COL23A1: variants seen among roughly 807,000 people sequenced by gnomAD.
COL23A1 encodes collagen alpha-1(XXIII) chain.
COL23A1 carries 97 observed loss-of-function variants against 99.3 expected under a neutral mutation model. The ratio of observed to expected loss-of-function variants is 0.98; its 90% CI spans 0.83 to 1.16. The LOEUF is 1.16. Ranked by LOEUF, COL23A1 falls within the 50% of genes most tolerant of loss-of-function variation. The pLI, the probability that COL23A1 is intolerant of heterozygous loss-of-function variation, is 0.00. For synonymous variants in COL23A1, 320 were observed against 308.2 expected, an observed-to-expected ratio of 1.04 and a Z score of -0.40; for missense variants, 762 against 757.4, an observed-to-expected ratio of 1.01 and a Z score of -0.07.
chr5:178,246,760 G>A (rs914518122), intron 22 of COL23A1, among the ~76,000 whole-genome samples: 13 of 152,218 alleles, frequency 8.5e-5, no homozygotes, highest in Non-Finnish European at 1.5e-4. Flanking sequence ...GCCACACAGC[G>A]GGAGGCAGCA....
At chr5:178,337,617 G>T (rs1447794518) in intron 2 of COL23A1, among the ~76,000 whole-genome samples, 1 of 152,090 alleles carries the variant, frequency 6.6e-6, no homozygotes, top group Non-Finnish European at 1.5e-5. Context: ...CTGCCGGGCT[G>T]GGGGAGGCGC....
rs5873604 is a variant in COL23A1 at position 178,292,233 on chromosome 5, G to GCCCCCTGCGCCCGCACCTGC, written c.407-1865_407-1864insGCAGGTGCGGGCGCAGGGGG. ...AGCACTTGCGCCTGTGCCCGCACCT[G>GCCCCCTGCGCCCGCACCTGC]CCCCTGCACCTGCCCTCCTCTCCAT... On this transcript the variant is annotated intron_variant, in intron 3 of 28. Transcript: ENST00000390654. Among the ~76,000 whole-genome samples, 3 of 151,802 alleles carry GCCCCCTGCGCCCGCACCTGC rather than the reference G, an allele frequency of 2.0e-5. No individual in the cohort carries two copies. In the South Asian group the frequency reaches 6.2e-4, roughly 32 times the overall value.
chr5:178,515,085 A>G (rs1242501853), intron 2 of COL23A1, among the ~76,000 whole-genome samples: 1 of 152,252 alleles, frequency 6.6e-6, no homozygotes, highest in East Asian at 1.9e-4. Flanking sequence ...CCCAAGAGCC[A>G]TGTGCTGTGC....
intron 1 of COL23A1, among the ~76,000 whole-genome samples, chr5:178,585,725 A>ATG (rs1562115503): frequency 0.025 from 3,170 of 125,616 alleles, 210 homozygotes; most frequent in Middle Eastern, 0.04. Flanking sequence ...CGCTGGGGTA[A>ATG]CACTCCACAG....
intron 25 of COL23A1, 28 bp from the exon 26 acceptor site, chr5:178,242,422 G>A (rs372639846): frequency 8.7e-6 from 14 of 1,611,742 alleles, no homozygotes; most frequent in Admixed American, 5.0e-5. Flanking sequence ...TGCTAAACCC[G>A]AAAATGAGGC....
chr5:178,578,489 C>T (rs1000691330), intron 1 of COL23A1, among the ~76,000 whole-genome samples: 5 of 152,162 alleles, frequency 3.3e-5, no homozygotes, highest in Admixed American at 2.0e-4. Flanking sequence ...TGAGCAGATC[C>T]GGCATTTTTT....
intron 1 of COL23A1, among the ~76,000 whole-genome samples, chr5:178,577,627 A>G (rs2113698495): frequency 6.6e-6 from 1 of 152,272 alleles, no homozygotes; most frequent in South Asian, 2.1e-4. Context: ...CGCTGCCTGG[A>G]TGGGGTCTCT....
rs141599511 is a variant in COL23A1, at chr5:178,365,675, C to T, written c.362-58756G>A. On this transcript the variant is annotated intron_variant, in intron 2 of 28. Transcript: ENST00000390654. The surrounding 1 kb of genome is among the most constrained non-coding windows in gnomAD (Gnocchi z 5.2). ...GCCCCTCTCTTCTCCTCGACAACTG[C>T]GTGCTGTTCCCGGCAGACCCTTGCG... Among the ~76,000 whole-genome samples the T allele has an allele frequency of 7.5e-3, 1,145 of 152,306 alleles. 10 individuals are homozygous for T. Among genetic ancestry groups the T allele is most frequent in the Non-Finnish European group, 0.013 (864 of 68,016 alleles).
At chr5:178,273,730 C>A (rs904668195) in intron 5 of COL23A1, among the ~76,000 whole-genome samples, 9 of 152,188 alleles carry the variant, frequency 5.9e-5, no homozygotes, top group African/African-American at 1.7e-4. Flanking sequence ...GAAAGCTGTC[C>A]CCAGGCCCCC....
intron 2 of COL23A1, among the ~76,000 whole-genome samples, chr5:178,356,131 G>A (rs1761635336): frequency 6.6e-6 from 1 of 152,188 alleles, no homozygotes; most frequent in South Asian, 2.1e-4. Flanking sequence ...CAGGCTTAGG[G>A]CCCCACTCTA....
chr5:178,543,170 C>A (rs949847305), intron 2 of COL23A1, among the ~76,000 whole-genome samples: 9 of 151,604 alleles, frequency 5.9e-5, no homozygotes, highest in Non-Finnish European at 1.0e-4. Context: ...TGCAATGGCG[C>A]GATCTCGGCT....
chr5:178,266,240 C>T (rs1475877449), intron 8 of COL23A1, among the ~76,000 whole-genome samples: 2 of 152,016 alleles, frequency 1.3e-5, no homozygotes, highest in Non-Finnish European at 2.9e-5. Flanking sequence ...GGGGTTTCAC[C>T]ATGTTGGTCA....
At chr5:178,373,786 G>C (rs1353607088) in intron 2 of COL23A1, among the ~76,000 whole-genome samples, 1 of 152,184 alleles carries the variant, frequency 6.6e-6, no homozygotes, top group African/African-American at 2.4e-5. Context: ...CTGACATGCT[G>C]CTCACCCTGT....
In COL23A1 at chr5:178,280,753, G is replaced by A. The variant is rs1208859162; in HGVS notation, c.441+7571C>T. ...GCAAAGCGCAGGACCAACCCCCTCT[G>A]CTGGGCCCCCTACACTGCTGTCCCT... On this transcript the variant is annotated intron_variant, in intron 5 of 28. Transcript: ENST00000390654. The surrounding 1 kb of genome is among the most constrained non-coding windows in gnomAD (Gnocchi z 4.9). Among the ~76,000 whole-genome samples, 4 of 152,152 alleles carry A rather than the reference G, an allele frequency of 2.6e-5. No individual in the cohort carries two copies. The highest frequency in any genetic ancestry group is 9.7e-5 in the African/African-American group (4 of 41,420).
chr5:178,555,601 G>T (rs1043287977), intron 2 of COL23A1, among the ~76,000 whole-genome samples: 1 of 152,158 alleles, frequency 6.6e-6, no homozygotes, highest in Non-Finnish European at 1.5e-5. Context: ...CTTTATTAGT[G>T]CAGGGTGATC....
intron 2 of COL23A1, among the ~76,000 whole-genome samples, chr5:178,490,585 TA>T (rs1192227573): frequency 6.6e-6 from 1 of 151,876 alleles, no homozygotes; most frequent in East Asian, 1.9e-4. Flanking sequence ...AAAAGTGGTT[TA>T]AACTTGGGCA....
intron 2 of COL23A1, among the ~76,000 whole-genome samples, chr5:178,423,613 G>A (rs1425034260): frequency 6.6e-6 from 1 of 152,090 alleles, no homozygotes; most frequent in East Asian, 1.9e-4. Context: ...TAAGTCGAGG[G>A]GCATCTGTGC....
At chr5:178,556,978 AAAAGT>A (rs1762310338) in intron 2 of COL23A1, among the ~76,000 whole-genome samples, 1 of 152,186 alleles carries the variant, frequency 6.6e-6, no homozygotes, top group East Asian at 1.9e-4. Flanking sequence ...TAAAAAAATG[AAAAGT>A]AAAGTAAAAT....
At chr5:178,522,058 A>G (rs1338778754) in intron 2 of COL23A1, among the ~76,000 whole-genome samples, 1 of 152,206 alleles carries the variant, frequency 6.6e-6, no homozygotes, top group South Asian at 2.1e-4. Flanking sequence ...CAAACCAGAA[A>G]AAGAATAAGG....
Sources: allele counts gnomAD v4.1 joint callset (sites outside exome capture counted in the v4.1 genomes callset), GRCh38; gene constraint gnomAD v4.1.1; non-coding constraint Gnocchi (gnomAD v3.1); transcripts MANE v1.5; gene names NCBI Gene and HGNC (gene_info 2026-07-23, HGNC 2026-07-21).